The following COPZ1 variants were observed in gnomAD, a reference collection of about 807,000 sequenced individuals.
COPZ1 encodes the protein coat protein complex I subunit zeta 1, also known as coatomer subunit zeta-1.
Under a neutral mutation model 31.7 loss-of-function variants are expected in COPZ1, and 4 were observed. The ratio of observed to expected loss-of-function variants is 0.13; its 90% CI spans 0.06 to 0.29. The LOEUF is 0.29. Ranked by LOEUF, COPZ1 falls within the 10% of genes least tolerant of loss-of-function variation. The pLI is 1.00. For synonymous variants in COPZ1, 74 were observed against 79.0 expected, an observed-to-expected ratio of 0.94 and a Z score of 0.33; for missense variants, 156 against 211.5, an observed-to-expected ratio of 0.74 and a Z score of 1.63.
At position 54,325,199 on chromosome 12, in the gene COPZ1, A is replaced by G. The variant is rs753454358; in HGVS notation, c.18+18A>G. 1 of 1,556,992 alleles carries G rather than the reference A, an allele frequency of 6.4e-7. No individual in the cohort carries two copies. Among genetic ancestry groups the G allele is most frequent in the Non-Finnish European group, 8.7e-7 (1 of 1,150,896 alleles). On this transcript the variant is annotated intron_variant, in intron 1 of 8. Transcript: ENST00000262061. ...TGATTTTGGTAGGAGCTGGAGGGGC[A>G]GCAGAGATGCTGTGGTGTCCACAGG...
At chr12:54,350,452 T>C in intron 8 of COPZ1, 24 bp from the exon 9 acceptor site, 2 of 1,612,228 alleles carry the variant, frequency 1.2e-6, no homozygotes, top group African/African-American at 2.7e-5. Flanking sequence ...CAAGCTTTCC[T>C]CAATGCTGCT....
chr12:54,340,248 A>G (rs1474548310), intron 1 of COPZ1: 1 of 458,328 alleles, frequency 2.2e-6, no homozygotes, highest in Non-Finnish European at 3.8e-6. Flanking sequence ...AAATAACTGT[A>G]CCATAATATT....
intron 1 of COPZ1, 58 bp from the exon 2 acceptor site, chr12:54,340,489 T>C: frequency 6.2e-7 from 1 of 1,606,672 alleles, no homozygotes; most frequent in Non-Finnish European, 8.5e-7. Context: ...GGAAGGTATC[T>C]GGTTTACCAG....
intron 1 of COPZ1, among the ~76,000 whole-genome samples, chr12:54,336,990 C>T (rs1953880025): frequency 1.4e-5 from 2 of 141,034 alleles, no homozygotes; most frequent in South Asian, 4.7e-4. Context: ...CCACTGCACT[C>T]CAGCCTGGGT....
At chr12:54,349,714 C>T (rs764864677) in intron 8 of COPZ1, 56 bp downstream of exon 8, 14 of 1,313,312 alleles carry the variant, frequency 1.1e-5, no homozygotes, top group African/African-American at 2.9e-5. Context: ...GAGGCTAGAA[C>T]AGCATTCCAC....
At chr12:54,345,127 T>C in intron 4 of COPZ1, 1 of 219,072 alleles carries the variant, frequency 4.6e-6, no homozygotes. Flanking sequence ...AGCCTTCCTC[T>C]GACCTCAGCT....
At chr12:54,325,569 G>A (rs1200812266) in intron 1 of COPZ1, 1 of 178,916 alleles carries the variant, frequency 5.6e-6, no homozygotes, top group Non-Finnish European at 1.2e-5. Flanking sequence ...ATGTTTTGTC[G>A]TTACAGACTC....
chr12:54,337,169 C>CT (rs772748612), intron 1 of COPZ1: 2 of 533,300 alleles, frequency 3.8e-6, no homozygotes, highest in East Asian at 5.5e-5. Context: ...GAAAATCTGT[C>CT]TAAGTCACCC....
chr12:54,345,157 C>A (rs2137109420), intron 4 of COPZ1: 1 of 258,992 alleles, frequency 3.9e-6, no homozygotes. Flanking sequence ...TTAGTAATTT[C>A]TCTACCTAAG....
At chr12:54,348,084 A>G in intron 7 of COPZ1, 33 bp downstream of exon 7, 3 of 1,610,120 alleles carry the variant, frequency 1.9e-6, no homozygotes, top group Non-Finnish European at 1.7e-6. Flanking sequence ...GCATCCCCGC[A>G]TCTATTCACA....
chr12:54,348,514 G>A (rs1221858823), intron 7 of COPZ1, among the ~76,000 whole-genome samples: 3 of 152,028 alleles, frequency 2.0e-5, no homozygotes, highest in South Asian at 2.1e-4. Flanking sequence ...CGAGGCTGGC[G>A]GATCACAAGG....
At chr12:54,345,348 C>T in intron 4 of COPZ1, 112 bp from the exon 5 acceptor site, 1 of 707,448 alleles carries the variant, frequency 1.4e-6, no homozygotes, top group South Asian at 1.9e-5. Flanking sequence ...GTTTTTGGTC[C>T]TTTGTGAAAG....
intron 4 of COPZ1, 31 bp from the exon 5 acceptor site, chr12:54,345,429 T>C: frequency 6.3e-7 from 1 of 1,594,658 alleles, no homozygotes; most frequent in Non-Finnish European, 8.6e-7. Context: ...GCCTTGAACC[T>C]TATCCTTCTG....
At chr12:54,343,141 G>A in intron 3 of COPZ1, 84 bp from the exon 4 acceptor site, 1 of 1,054,652 alleles carries the variant, frequency 9.5e-7, no homozygotes. Flanking sequence ...ACAGGCATGA[G>A]CCACTGCGCC....
intron 4 of COPZ1, 54 bp from the exon 5 acceptor site, chr12:54,345,406 A>G (rs1049903492): frequency 5.3e-5 from 72 of 1,368,990 alleles, no homozygotes; most frequent in Non-Finnish European, 7.4e-5. Flanking sequence ...GTTTTTAGGT[A>G]GCAGCTTTCA....
intron 2 of COPZ1, among the ~76,000 whole-genome samples, chr12:54,340,822 C>T (rs1462928701): frequency 2.0e-5 from 3 of 152,016 alleles, no homozygotes; most frequent in African/African-American, 7.2e-5. Flanking sequence ...GCCTCAGCCT[C>T]CCAAGTAGCT....
rs1426147615 is a variant in COPZ1, at chr12:54,329,994, A to T, written c.18+4813A>T. Among the ~76,000 whole-genome samples, 2 of 152,120 alleles carry T rather than the reference A, an allele frequency of 1.3e-5. 1 individual carries two copies. The highest frequency in any genetic ancestry group is 3.9e-4 in the East Asian group (2 of 5,182). ...TGCTCTGGGCAAAGGTATCAATTAC[A>T]TTAAGCCCCTAAAGCACTCCCATCT... On this transcript the variant is annotated intron_variant, in intron 1 of 8. Coordinates refer to ENST00000262061, the MANE Select transcript of COPZ1 (RefSeq NM_016057.3).
chr12:54,350,049 C>T (rs2137115935), intron 8 of COPZ1: 1 of 598,946 alleles, frequency 1.7e-6, no homozygotes, highest in Middle Eastern at 4.5e-4. Context: ...CTAGAATATG[C>T]AGGTTTTGCA....
chr12:54,343,352 C>T, intron 4 of COPZ1, 36 bp downstream of exon 4: 1 of 1,559,188 alleles, frequency 6.4e-7, no homozygotes, highest in South Asian at 1.1e-5. Flanking sequence ...ATTTCTGATC[C>T]TACTTTCTAA....
Sources: gnomAD v4.1 joint callset for allele counts (sites outside exome capture counted in the v4.1 genomes callset) on GRCh38, gnomAD v4.1.1 for gene constraint, MANE v1.5 for transcripts, NCBI Gene and HGNC (gene_info 2026-07-23, HGNC 2026-07-21) for gene names.